The following CDH9 variants were observed in gnomAD, a reference collection of about 807,000 sequenced individuals.
CDH9 encodes the protein cadherin 9.
Under a neutral mutation model 70.9 loss-of-function variants are expected in CDH9, and 28 were observed. That is an observed-to-expected ratio of 0.40 (90% CI 0.29 to 0.54). The LOEUF (loss-of-function observed/expected upper bound fraction) is 0.54. Ranked by LOEUF, CDH9 falls within the 20% of genes least tolerant of loss-of-function variation. The pLI is 0.59. For missense variants in CDH9, 874 were observed against 984.4 expected, an observed-to-expected ratio of 0.89 and a Z score of 1.50; for synonymous variants, 409 against 343.1, an observed-to-expected ratio of 1.19 and a Z score of -2.12.
intron 2 of CDH9, among the ~76,000 whole-genome samples, chr5:26,964,792 AC>A (rs1445511827): frequency 5.8e-5 from 2 of 34,410 alleles, no homozygotes; most frequent in Non-Finnish European, 1.3e-4. Context: ...CACCCCCACC[AC>A]CCCCCAACAG....
At chr5:27,027,506 C>T (rs1743239113) in intron 1 of CDH9, among the ~76,000 whole-genome samples, 2 of 151,996 alleles carry the variant, frequency 1.3e-5, no homozygotes, top group South Asian at 4.1e-4. Flanking sequence ...TAAAACCCTA[C>T]AATGTAGTTA....
chr5:26,949,531 T>G (rs553912059), intron 2 of CDH9, among the ~76,000 whole-genome samples: 1 of 152,310 alleles, frequency 6.6e-6, no homozygotes, highest in African/African-American at 2.4e-5. Context: ...CAATGACCAA[T>G]GGAAAGTTGT....
At chr5:26,918,921 C>T (rs1378245244) in intron 2 of CDH9, among the ~76,000 whole-genome samples, 2 of 152,108 alleles carry the variant, frequency 1.3e-5, no homozygotes, top group Non-Finnish European at 2.9e-5. Context: ...AATAAAATTA[C>T]ATATGTTTTA....
chr5:26,927,553 C>T (rs1741364451), intron 2 of CDH9, among the ~76,000 whole-genome samples: 1 of 152,106 alleles, frequency 6.6e-6, no homozygotes, highest in East Asian at 1.9e-4. Context: ...TGGTCATTAG[C>T]AACTTCTATG....
chr5:27,021,501 C>T (rs1743137921), intron 1 of CDH9, among the ~76,000 whole-genome samples: 1 of 151,794 alleles, frequency 6.6e-6, no homozygotes, highest in Non-Finnish European at 1.5e-5. Flanking sequence ...ATTTATTTCC[C>T]TACACTTATA....
chr5:26,991,098 G>A (rs1742572646), intron 1 of CDH9, among the ~76,000 whole-genome samples: 1 of 152,152 alleles, frequency 6.6e-6, no homozygotes, highest in Non-Finnish European at 1.5e-5. Flanking sequence ...CTAGAAAATA[G>A]GTTAGAGGGC....
chr5:26,993,123 T>C lies in CDH9; in HGVS notation c.-49-4741A>G, dbSNP rs533526976. ...TCTCCAAAAAAAAAAAAAAAAAGCA[T>C]ATCTAAGTAACATGGAACAGAACGT... On this transcript the variant is annotated intron_variant, in intron 1 of 11. Transcript: ENST00000231021. Among the ~76,000 whole-genome samples, 11 of 142,250 alleles carry C rather than the reference T, an allele frequency of 7.7e-5. No homozygotes were observed. In the East Asian group the frequency reaches 2.2e-3, roughly 29 times the overall value. The allele number at this position is 142,250 out of a possible 152,430, so 93.3% of individuals were successfully genotyped here.
At chr5:26,982,485 T>G (rs989470044) in intron 2 of CDH9, among the ~76,000 whole-genome samples, 1 of 152,118 alleles carries the variant, frequency 6.6e-6, no homozygotes, top group African/African-American at 2.4e-5. Context: ...TAATGTCAAT[T>G]TCTCAGGATT....
At position 26,988,353 on chromosome 5, in the gene CDH9, T is replaced by C. The variant is rs1742523252; in HGVS notation, c.-20A>G. The C allele has an allele frequency of 6.2e-7, 1 of 1,603,548 alleles. No homozygotes were observed. The highest frequency in any genetic ancestry group is 1.3e-5 in the African/African-American group (1 of 74,624). On this transcript the variant is annotated 5_prime_UTR_variant, in exon 2 of 12. Coordinates refer to ENST00000231021, the MANE Select transcript of CDH9 (RefSeq NM_016279.4). ...CCTCATTATCTGCAACTTCAGTGGG[T>C]TGTCAAATTCAATGTATTGTTTGTT...
At chr5:26,946,196 A>C (rs1463487319) in intron 2 of CDH9, among the ~76,000 whole-genome samples, 1 of 152,184 alleles carries the variant, frequency 6.6e-6, no homozygotes, top group Admixed American at 6.5e-5. Context: ...TAGAAGCCTT[A>C]TATTTTGAGC....
intron 4 of CDH9, 22 bp downstream of exon 4, chr5:26,906,697 C>A: frequency 6.2e-7 from 1 of 1,611,282 alleles, no homozygotes; most frequent in South Asian, 1.1e-5. Context: ...AATAAGAAGT[C>A]AGCCAAGTTT....
chr5:27,023,246 T>A (rs1306121966), intron 1 of CDH9, among the ~76,000 whole-genome samples: 1 of 152,058 alleles, frequency 6.6e-6, no homozygotes, highest in Non-Finnish European at 1.5e-5. Flanking sequence ...GTTAACTCTT[T>A]AGTACTGGAA....
chr5:26,969,683 A>G (rs1173002101), intron 2 of CDH9, among the ~76,000 whole-genome samples: 1 of 152,046 alleles, frequency 6.6e-6, no homozygotes, highest in Non-Finnish European at 1.5e-5. Context: ...CTTAAAACTA[A>G]CATATTTAAT....
At chr5:26,947,579 T>C (rs1741775192) in intron 2 of CDH9, among the ~76,000 whole-genome samples, 1 of 152,218 alleles carries the variant, frequency 6.6e-6, no homozygotes, top group African/African-American at 2.4e-5. Flanking sequence ...CAAAAACACT[T>C]TCATCATGAA....
chr5:27,001,122 G>T (rs964145604), intron 1 of CDH9, among the ~76,000 whole-genome samples: 2 of 151,858 alleles, frequency 1.3e-5, no homozygotes, highest in Non-Finnish European at 2.9e-5. Flanking sequence ...CAAATTAAAA[G>T]AAAAAAACAT....
intron 1 of CDH9, among the ~76,000 whole-genome samples, chr5:27,022,571 C>CTGAAA (rs1346160406): frequency 6.6e-6 from 1 of 152,108 alleles, no homozygotes; most frequent in Non-Finnish European, 1.5e-5. Context: ...TAACTGATGG[C>CTGAAA]TGAAACATAT....
intron 2 of CDH9, among the ~76,000 whole-genome samples, chr5:26,923,355 G>T (rs979796340): frequency 1.3e-5 from 2 of 151,712 alleles, no homozygotes; most frequent in Admixed American, 1.3e-4. Flanking sequence ...AGTCAATTCA[G>T]CAAGAAGATA....
chr5:26,913,225 T>C (rs937737404), intron 3 of CDH9, among the ~76,000 whole-genome samples: 2 of 152,156 alleles, frequency 1.3e-5, no homozygotes, highest in Non-Finnish European at 2.9e-5. Flanking sequence ...TGTTTTTGTA[T>C]TTATTAAAAT....
At chr5:26,998,515 G>T (rs1030026181) in intron 1 of CDH9, among the ~76,000 whole-genome samples, 1 of 152,136 alleles carries the variant, frequency 6.6e-6, no homozygotes, top group Admixed American at 6.5e-5. Flanking sequence ...TCACTCATAG[G>T]TGGGAATTGA....
Sources: allele counts gnomAD v4.1 joint callset (sites outside exome capture counted in the v4.1 genomes callset), GRCh38; gene constraint gnomAD v4.1.1; transcripts MANE v1.5; gene names NCBI Gene and HGNC (gene_info 2026-07-23, HGNC 2026-07-21).